PDIA4: variants seen among roughly 807,000 people sequenced by gnomAD.
PDIA4 encodes protein disulfide-isomerase A4.
Under a neutral mutation model 62.1 loss-of-function variants are expected in PDIA4, and 33 were observed. The ratio of observed to expected loss-of-function variants is 0.53; its 90% confidence interval spans 0.40 to 0.71. The LOEUF (loss-of-function observed/expected upper bound fraction) is 0.71, where lower values mean the gene tolerates loss of function less well. Ranked by LOEUF, PDIA4 falls within the 30% of genes least tolerant of loss-of-function variation. The pLI is 0.00. For missense variants in PDIA4, 804 were observed against 813.6 expected, an observed-to-expected ratio of 0.99 and a Z score of 0.14; for synonymous variants, 341 against 324.1, an observed-to-expected ratio of 1.05 and a Z score of -0.56.
In PDIA4 at chr7:149,021,007, C is replaced by T; in HGVS notation, c.229G>A (p.Ala77Thr). 1 of 1,614,126 alleles carries T rather than the reference C, an allele frequency of 6.2e-7. No homozygotes were observed. Among genetic ancestry groups the T allele is most frequent in the South Asian group, 1.1e-5 (1 of 91,078 alleles). Residue 77 changes from alanine to threonine, a missense_variant, in exon 2 of 10, where the codon GCT (alanine) becomes ACT (threonine). By Grantham distance (58) the Ala-to-Thr change is moderately conservative. Transcript: ENST00000652332. ...TCCAGCAGCACTGTGTCTTTGTCAG[C>T]CACAAAATTATCAAAGTTTGCATCA... ...LNDANFDNFVADKDTVLLEFY... is the reference protein window; with the variant it reads ...LNDANFDNFVTDKDTVLLEFY...
At chr7:149,024,624 C>A (rs1445332647) in intron 1 of PDIA4, among the ~76,000 whole-genome samples, 8 of 151,786 alleles carry the variant, frequency 5.3e-5, no homozygotes, top group Non-Finnish European at 8.8e-5. Context: ...ACCCTCCTGG[C>A]CAACATCGTG....
intron 1 of PDIA4, among the ~76,000 whole-genome samples, chr7:149,027,116 A>C (rs1299373864): frequency 6.6e-6 from 1 of 152,200 alleles, no homozygotes; most frequent in African/African-American, 2.4e-5. Context: ...CCCGAAGTTA[A>C]TTCTATGTCT....
chr7:149,011,136 A>G (rs963384518), intron 6 of PDIA4, among the ~76,000 whole-genome samples: 2 of 152,216 alleles, frequency 1.3e-5, no homozygotes, highest in Non-Finnish European at 2.9e-5. Flanking sequence ...GAAAAATTAT[A>G]ATCAGTTAGC....
At chr7:149,011,460 C>A (rs996222348) in intron 6 of PDIA4, among the ~76,000 whole-genome samples, 2 of 152,226 alleles carry the variant, frequency 1.3e-5, no homozygotes. Context: ...AAGACCACCA[C>A]CTTGGGCAAG....
intron 7 of PDIA4, 36 bp from the exon 8 acceptor site, chr7:149,006,089 A>G: frequency 6.5e-7 from 1 of 1,530,610 alleles, no homozygotes; most frequent in Non-Finnish European, 8.7e-7. Context: ...GGGGCCCACC[A>G]TCTCCCCACC....
intron 7 of PDIA4, among the ~76,000 whole-genome samples, chr7:149,007,441 T>C (rs1311772862): frequency 1.3e-5 from 2 of 152,202 alleles, no homozygotes; most frequent in Non-Finnish European, 2.9e-5. Flanking sequence ...CTGTGGGGTC[T>C]GGGGTGGGGG....
rs780015388 is a variant in PDIA4, at chr7:149,021,070, AGTC to A, written c.163_165del (p.Asp55del). ...ACTCCATTTTCTTCCTTAACTTCCA[AGTC>A]GTCTTCTTCCTCATCATCATCTTCC... On this transcript the variant is annotated inframe_deletion, in exon 2 of 10. Coordinates refer to ENST00000652332, the MANE Select transcript of PDIA4 (RefSeq NM_004911.5). The A allele has an allele frequency of 2.7e-5, 43 of 1,613,868 alleles. No homozygotes were observed. The African/African-American group carries it at 5.2e-4, about 20-fold the overall frequency.
intron 4 of PDIA4, among the ~76,000 whole-genome samples, chr7:149,012,572 G>A (rs1278351225): frequency 6.6e-6 from 1 of 152,166 alleles, no homozygotes; most frequent in Non-Finnish European, 1.5e-5. Flanking sequence ...TTCACACACT[G>A]GGGGTGGAGC....
chr7:149,005,798 A>C (rs1823734345), intron 8 of PDIA4, 99 bp downstream of exon 8: 1 of 978,690 alleles, frequency 1.0e-6, no homozygotes, highest in South Asian at 1.9e-5. Context: ...TGAGTGAGCC[A>C]TGTACATACA....
intron 3 of PDIA4, among the ~76,000 whole-genome samples, chr7:149,017,541 G>A (rs982355588): frequency 7.2e-5 from 11 of 152,024 alleles, no homozygotes; most frequent in Admixed American, 2.0e-4. Context: ...CTGAGATTGC[G>A]CCATCGTACT....
In PDIA4 at chr7:149,008,142, C is replaced by T. The variant is rs376623101; in HGVS notation, c.1131+17G>A. 1.7e-5 allele frequency: 27 copies of T among 1,611,002 alleles called. No individual in the cohort carries two copies. In the African/African-American group the frequency reaches 3.2e-4, roughly 19 times the overall value. ...TGCGGGGTGTCCAGGGCTGGCATGG[C>T]AGAGGGGCCCGCTTACCTGGACGTC... On this transcript the variant is annotated intron_variant, in intron 7 of 9. Transcript: ENST00000652332.
chr7:149,007,285 G>A (rs1823793470), intron 7 of PDIA4, among the ~76,000 whole-genome samples: 1 of 152,108 alleles, frequency 6.6e-6, no homozygotes, highest in Non-Finnish European at 1.5e-5. Flanking sequence ...TCTGGTGCAG[G>A]CCCCCGGGAT....
rs767994914 is a variant in PDIA4 at position 149,028,366 on chromosome 7, G to A, written c.43C>T (p.Leu15=). 6.6e-7 allele frequency: 1 copy of A among 1,526,596 alleles called. No individual in the cohort carries two copies. The highest frequency in any genetic ancestry group is 1.2e-5 in the South Asian group (1 of 82,014). The allele number at this position is 1,526,596 out of a possible 1,614,324, so 94.6% of individuals were successfully genotyped here. A position where few individuals can be genotyped will look rare whatever the true frequency, so the allele number is the denominator to read the frequency against. Residue 15 remains leucine, a synonymous_variant, in exon 1 of 10, where the codon CTG becomes TTG. Transcript: ENST00000652332. Reference sequence around the variant, plus strand: ...CCCGCCACGGCCAGCAGCTGCACCAGCCCCAAGAGCAGCAGGAGCAGGAAG... The same window carrying A: ...CCCGCCACGGCCAGCAGCTGCACCAACCCCAAGAGCAGCAGGAGCAGGAAG... ...KAFLLLLLLG[L]VQLLAVAGAE... is the part of the protein sequence containing the mutation.
At chr7:149,015,535 T>C (rs1371429141) in intron 3 of PDIA4, among the ~76,000 whole-genome samples, 1 of 148,556 alleles carries the variant, frequency 6.7e-6, no homozygotes, top group East Asian at 2.0e-4. Flanking sequence ...AGAGGAGCAG[T>C]AGCTCCCATT....
At chr7:149,013,494 T>C (rs543470137) in intron 4 of PDIA4, among the ~76,000 whole-genome samples, 16 of 152,002 alleles carry the variant, frequency 1.1e-4, no homozygotes, top group South Asian at 2.1e-4. Context: ...CGGGGCAACA[T>C]AGCAAGACCT....
intron 6 of PDIA4, among the ~76,000 whole-genome samples, chr7:149,011,387 G>C (rs1823937521): frequency 6.6e-6 from 1 of 152,214 alleles, no homozygotes; most frequent in African/African-American, 2.4e-5. Flanking sequence ...AATACACTTA[G>C]CATTATCAAG....
intron 7 of PDIA4, 111 bp downstream of exon 7, chr7:149,008,048 C>A (rs892764112): frequency 9.7e-7 from 1 of 1,031,202 alleles, no homozygotes; most frequent in Non-Finnish European, 1.4e-6. Flanking sequence ...GAGTTCCAGA[C>A]CCTGCAGACA....
rs560089567 is a variant in PDIA4, at chr7:149,025,507, GGC to G, written c.88+2812_88+2813del. On this transcript the variant is annotated intron_variant, in intron 1 of 9. Transcript: ENST00000652332. ...TAGCTGGTATTTATTGTATGTACCA[GGC>G]ACTGTGCTGGGCTCTTAAACACACC... Among the ~76,000 whole-genome samples, 14 of 152,302 alleles carry G rather than the reference GGC, an allele frequency of 9.2e-5. No homozygotes were observed. In the East Asian group the frequency reaches 2.7e-3, roughly 29 times the overall value.
In PDIA4 at chr7:149,021,124, T is replaced by C; in HGVS notation, c.112A>G (p.Ile38Val). Reference sequence around the variant, plus strand: ...TCCTCCTCCTCCTCTTCATCCTCAATGGCATTTTCTCTGTTAGAAGAATCT... The same window carrying C: ...TCCTCCTCCTCCTCTTCATCCTCAACGGCATTTTCTCTGTTAGAAGAATCT... Reference protein sequence around the residue: ...DEDSSNRENAIEDEEEEEEED... With the variant: ...DEDSSNRENAVEDEEEEEEED... The change falls in exon 2 of 10, where the codon ATT (isoleucine) becomes GTT (valine). Residue 38 changes from isoleucine to valine, a missense_variant. Physicochemically the swap from Ile to Val is conservative, Grantham distance 29 (BLOSUM62 3). Transcript: ENST00000652332. The C allele has an allele frequency of 4.4e-6, 7 of 1,599,516 alleles. No homozygotes were observed. The highest frequency in any genetic ancestry group is 6.0e-6 in the Non-Finnish European group (7 of 1,172,018).
Sources: allele counts gnomAD v4.1 joint callset (sites outside exome capture counted in the v4.1 genomes callset), GRCh38; gene constraint gnomAD v4.1.1; transcripts MANE v1.5; gene names NCBI Gene and HGNC (gene_info 2026-07-23, HGNC 2026-07-21).